MAP4: variants seen among roughly 807,000 people sequenced by gnomAD.
The protein encoded by MAP4 is microtubule associated protein 4.
MAP4 carries 76 observed loss-of-function variants against 170.2 expected under a neutral mutation model. The ratio of observed to expected loss-of-function variants is 0.45; its 90% CI spans 0.37 to 0.54. The LOEUF (loss-of-function observed/expected upper bound fraction) is 0.54, where lower values mean the gene tolerates loss of function less well. Ranked by LOEUF, MAP4 falls within the 20% of genes least tolerant of loss-of-function variation. The pLI, the probability that MAP4 is intolerant of heterozygous loss-of-function variation, is 0.00. For synonymous variants in MAP4, 909 were observed against 994.5 expected (o/e 0.91, Z 1.62); for missense variants, 2,506 against 2,748.0 (o/e 0.91, Z 1.97).
chr3:47,892,762 T>A lies in MAP4; in HGVS notation c.5434+10188A>T, dbSNP rs561257077. ...AAAATGCTACTTTAATCTGAGAATG[T>A]AATTTCCCGTGAACTAGCACTCTGT... On this transcript the variant is annotated intron_variant, in intron 10 of 20. Coordinates refer to ENST00000683076, the MANE Select transcript of MAP4 (RefSeq NM_001385682.1). The A allele has an allele frequency of 1.7e-4, 212 of 1,269,378 alleles. 1 individual carries two copies. In the African/African-American group the frequency reaches 2.7e-3, roughly 16 times the overall value. 78.6% of individuals were successfully genotyped at this position (1,269,378 alleles called of 1,614,324 possible).
intron 9 of MAP4, among the ~76,000 whole-genome samples, chr3:47,904,794 T>C (rs1353281512): frequency 1.3e-5 from 2 of 151,640 alleles, no homozygotes; most frequent in Non-Finnish European, 2.9e-5. Context: ...CTCAGTCTCC[T>C]GAGTAGGTGG....
Position 47,978,732 on chromosome 3 carries a change from CT to C in MAP4, c.224-800del, listed in dbSNP as rs1553691193. ...CTGTATTTCTGGAAGCAGAGGACTC[CT>C]TTTTTTTTTTCCCTCTTTTTTTTTT... On this transcript the variant is annotated intron_variant, in intron 2 of 20. Transcript: ENST00000683076. Among the ~76,000 whole-genome samples the C allele has an allele frequency of 9.0e-4, 128 of 141,610 alleles. 1 individual carries two copies. Among genetic ancestry groups the C allele is most frequent in the East Asian group, 1.2e-3 (6 of 4,878 alleles). The allele number at this position is 141,610 out of a possible 152,430, so 92.9% of individuals were successfully genotyped here.
intron 9 of MAP4, among the ~76,000 whole-genome samples, chr3:47,907,719 C>A (rs2100033891): frequency 1.3e-5 from 2 of 152,176 alleles, no homozygotes; most frequent in South Asian, 4.1e-4. Flanking sequence ...TAGATCACTG[C>A]TGAAACTAAA....
At chr3:47,924,686 C>T (rs140954586) in intron 4 of MAP4, among the ~76,000 whole-genome samples, 206 of 152,294 alleles carry the variant, frequency 1.4e-3, no homozygotes, top group Non-Finnish European at 2.5e-3. Flanking sequence ...GGCTGCAGAA[C>T]CTGCCTGTTA....
intron 1 of MAP4, among the ~76,000 whole-genome samples, chr3:48,067,428 A>G (rs1488067946): frequency 6.6e-6 from 1 of 152,076 alleles, no homozygotes; most frequent in East Asian, 1.9e-4. Flanking sequence ...TGCTGGGCTC[A>G]TGTAATTCTA....
intron 10 of MAP4, among the ~76,000 whole-genome samples, chr3:47,900,231 C>T (rs911140534): frequency 2.0e-5 from 3 of 152,148 alleles, no homozygotes; most frequent in East Asian, 3.9e-4. Flanking sequence ...TGGAAGTAAA[C>T]GTTCCAAGTG....
Position 47,911,117 on chromosome 3 carries a change from C to T in MAP4, c.3304G>A (p.Glu1102Lys), listed in dbSNP as rs969921247. 23 of 1,536,024 alleles carry T rather than the reference C, an allele frequency of 1.5e-5. No homozygotes were observed. Among genetic ancestry groups the T allele is most frequent in the African/African-American group, 6.8e-5 (5 of 73,044 alleles). Reference sequence around the variant, plus strand: ...ATTCCTTCAGTTTTAGAGACTGGCTCACTCGGTATGAGAACAGCCCTTCCG... The same window carrying T: ...ATTCCTTCAGTTTTAGAGACTGGCTTACTCGGTATGAGAACAGCCCTTCCG... ...KDGRAVLIPSEPVSKTEGMTT... is the reference protein window; with the variant it reads ...KDGRAVLIPSKPVSKTEGMTT... Residue 1102 changes from glutamate to lysine, a missense_variant, in exon 9 of 21, where the codon GAG becomes AAG. By Grantham distance (56) the Glu-to-Lys change is moderately conservative. Around this residue, in one of 3 missense-constraint regions of MAP4, gnomAD observed 2,008 missense variants for 2,206.0 expected, o/e 0.91. Transcript: ENST00000683076. This position sits in a 1 kb window ranked among gnomAD's most constrained non-coding sequence, Gnocchi z 4.0.
chr3:48,026,368 A>G (rs1352950492), intron 1 of MAP4, among the ~76,000 whole-genome samples: 2 of 152,226 alleles, frequency 1.3e-5, no homozygotes, highest in Non-Finnish European at 2.9e-5. Context: ...TTCTCTTTTA[A>G]AAATTGGCAA....
chr3:47,891,834 C>T (rs2153063038), intron 10 of MAP4: 2 of 1,536,292 alleles, frequency 1.3e-6, no homozygotes, highest in South Asian at 2.4e-5. Flanking sequence ...TTATCATTTA[C>T]CACCCCAATC....
intron 17 of MAP4, among the ~76,000 whole-genome samples, chr3:47,862,221 A>AT (rs2067873304): frequency 6.6e-6 from 1 of 151,654 alleles, no homozygotes; most frequent in African/African-American, 2.4e-5. Context: ...AGTTTCTGAC[A>AT]TAAGAGTCCT....
intron 1 of MAP4, among the ~76,000 whole-genome samples, chr3:48,000,221 C>CA (rs530513032): frequency 0.065 from 5,159 of 79,708 alleles, 1,269 homozygotes; most frequent in African/African-American, 0.27. Flanking sequence ...ACTCCCCCAT[C>CA]AAAAAAAAAA....
intron 2 of MAP4, among the ~76,000 whole-genome samples, chr3:47,983,888 T>C (rs759611292): frequency 2.6e-5 from 4 of 152,240 alleles, no homozygotes; most frequent in Non-Finnish European, 5.9e-5. Flanking sequence ...GTGTTGGCTA[T>C]TGGGAACTCT....
chr3:47,975,407 A>C, intron 3 of MAP4: 5 of 1,559,632 alleles, frequency 3.2e-6, no homozygotes, highest in Non-Finnish European at 3.5e-6. Context: ...AACGATGCTT[A>C]GGAAAGATCA....
At chr3:48,068,798 G>C (rs574875472) in intron 1 of MAP4, among the ~76,000 whole-genome samples, 1 of 152,160 alleles carries the variant, frequency 6.6e-6, no homozygotes, top group African/African-American at 2.4e-5. Context: ...TGGGACTATG[G>C]GTACAGTTCA....
At chr3:47,983,724 G>A (rs1423815714) in intron 2 of MAP4, among the ~76,000 whole-genome samples, 5 of 152,110 alleles carry the variant, frequency 3.3e-5, no homozygotes, top group Non-Finnish European at 5.9e-5. Context: ...TCACTAAGTT[G>A]CTCAGGCTGG....
intron 10 of MAP4, chr3:47,891,776 T>G (rs1426445133): frequency 2.6e-6 from 4 of 1,536,262 alleles, no homozygotes; most frequent in Non-Finnish European, 3.5e-6. Flanking sequence ...GGGGGCTGGG[T>G]GGGCTAGAGA....
Position 47,853,229 on chromosome 3 carries a change from G to A in MAP4, c.6820C>T (p.Pro2274Ser), listed in dbSNP as rs764975071. 3.6e-5 allele frequency: 57 copies of A among 1,582,452 alleles called. No homozygotes were observed. The highest frequency in any genetic ancestry group is 3.6e-4 in the South Asian group (31 of 86,764). ...PTSASGLNGH[P>S]TLSGGGDQRE... ...TGGTCACCACCCCCTGACAGGGTGG[G>A]GTGGCCATTGAGGCCACTGGCTGAA... is the stretch of plus-strand genomic sequence containing the variant. The change falls in exon 20 of 21, where the codon CCC (proline) becomes TCC (serine). Residue 2274 changes from proline to serine, a missense_variant. Pro to Ser is a moderately conservative substitution (Grantham distance 74). This residue lies in a region of MAP4 where 487 missense variants were observed against 511.6 expected (regional missense o/e 0.95). Transcript: ENST00000683076.
At chr3:47,889,150 A>G (rs1362754880) in intron 10 of MAP4, among the ~76,000 whole-genome samples, 1 of 152,268 alleles carries the variant, frequency 6.6e-6, no homozygotes, top group Non-Finnish European at 1.5e-5. Context: ...AGGGAAGAGA[A>G]TGGAGTACAT....
chr3:48,031,617 C>T (rs1399972484), intron 1 of MAP4, among the ~76,000 whole-genome samples: 1 of 151,660 alleles, frequency 6.6e-6, no homozygotes, highest in African/African-American at 2.4e-5. Flanking sequence ...CCCAACTACC[C>T]GGGAGGCTGA....
Sources: gnomAD v4.1 joint callset for allele counts (sites outside exome capture counted in the v4.1 genomes callset) on GRCh38, gnomAD v4.1.1 for gene constraint, gnomAD v4.1.1 regional missense constraint, Gnocchi (gnomAD v3.1) non-coding constraint, MANE v1.5 for transcripts, NCBI Gene and HGNC (gene_info 2026-07-23, HGNC 2026-07-21) for gene names.